The following VWC2 variants were observed in gnomAD, a reference collection of about 807,000 sequenced individuals.
The protein encoded by VWC2 is von Willebrand factor C domain containing 2.
Under a neutral mutation model 29.8 loss-of-function variants are expected in VWC2, and 14 were observed. That is an observed-to-expected ratio of 0.47 (90% CI 0.31 to 0.74). The LOEUF is 0.74. Ranked by LOEUF, VWC2 falls within the 30% of genes least tolerant of loss-of-function variation. The pLI is 0.05. For missense variants in VWC2, 457 were observed against 459.8 expected (o/e 0.99, Z 0.05); for synonymous variants, 213 against 199.0 (o/e 1.07, Z -0.59).
intron 3 of VWC2, among the ~76,000 whole-genome samples, chr7:49,855,951 C>A (rs1366643756): frequency 6.6e-6 from 1 of 152,162 alleles, no homozygotes; most frequent in Admixed American, 6.5e-5. Flanking sequence ...AGACACTAAG[C>A]CCCACAGTTT....
At chr7:49,865,954 C>T (rs913917521) in intron 3 of VWC2, among the ~76,000 whole-genome samples, 2 of 152,208 alleles carry the variant, frequency 1.3e-5, no homozygotes, top group African/African-American at 4.8e-5. Flanking sequence ...TACTCGGCAC[C>T]ATCTTAAATT....
rs1038591031 is a variant in VWC2 at position 49,775,562 on chromosome 7, C to A, written c.127C>A (p.Pro43Thr). 7.8e-6 allele frequency: 12 copies of A among 1,548,188 alleles called. No homozygotes were observed. Among genetic ancestry groups the A allele is most frequent in the Non-Finnish European group, 9.6e-6 (11 of 1,149,864 alleles). The part of the protein sequence containing the change: ...LEKLAQAPEQ[P>T]GQEKREHASR... ...GAAGCTGGCCCAGGCACCAGAGCAG[C>A]CGGGCCAGGAGAAGCGTGAGCACGC... Residue 43 changes from proline (P) to threonine (T), a missense_variant, in exon 2 of 4, where the codon CCG (proline) becomes ACG (threonine). Coordinates refer to ENST00000340652, the MANE Select transcript of VWC2 (RefSeq NM_198570.5).
intron 2 of VWC2, among the ~76,000 whole-genome samples, chr7:49,786,865 T>G (rs116828189): frequency 0.013 from 1,987 of 152,334 alleles, 41 homozygotes; most frequent in African/African-American, 0.045. Context: ...TTAAATTTCT[T>G]ATAGATGGTG....
At chr7:49,869,766 A>G (rs1240766012) in intron 3 of VWC2, among the ~76,000 whole-genome samples, 1 of 152,180 alleles carries the variant, frequency 6.6e-6, no homozygotes, top group Non-Finnish European at 1.5e-5. Flanking sequence ...CAAACATCCA[A>G]GAGAATTGGA....
intron 3 of VWC2, among the ~76,000 whole-genome samples, chr7:49,890,386 C>T (rs1792076656): frequency 6.6e-6 from 1 of 152,160 alleles, no homozygotes; most frequent in South Asian, 2.1e-4. Context: ...GGATTTACAA[C>T]AGTCAGTATG....
intron 3 of VWC2, among the ~76,000 whole-genome samples, chr7:49,905,233 G>A (rs1312164383): frequency 1.3e-5 from 2 of 152,150 alleles, no homozygotes; most frequent in Non-Finnish European, 1.5e-5. Flanking sequence ...GTTCTATGAT[G>A]TATTAGGAAA....
intron 3 of VWC2, among the ~76,000 whole-genome samples, chr7:49,854,431 T>C (rs2128717818): frequency 6.6e-6 from 1 of 152,264 alleles, no homozygotes; most frequent in Non-Finnish European, 1.5e-5. Flanking sequence ...GGTATCTCAT[T>C]GTGGTTTTGA....
intron 3 of VWC2, among the ~76,000 whole-genome samples, chr7:49,884,191 C>T (rs1791799675): frequency 6.6e-6 from 1 of 152,166 alleles, no homozygotes; most frequent in African/African-American, 2.4e-5. Context: ...GAAGAAGGGT[C>T]CAGGCTGCTG....
rs1469072730 is a variant in VWC2, at chr7:49,835,374, G to C, written c.826+32534G>C. Among the ~76,000 whole-genome samples, 12 of 152,328 alleles carry C rather than the reference G, an allele frequency of 7.9e-5. No homozygotes were observed. The East Asian group carries it at 1.9e-3, about 24-fold the overall frequency. On this transcript the variant is annotated intron_variant, in intron 3 of 3. Coordinates refer to ENST00000340652, the MANE Select transcript of VWC2 (RefSeq NM_198570.5). ...TTTCTTTCTCAGTATTTAAGCTAGT[G>C]ACACATGTGGGCTTGGGTGCAAATT...
chr7:49,913,352 C>G lies in VWC2; in HGVS notation c.*1167C>G, dbSNP rs1405989663. Reference sequence around the variant, plus strand: ...AGAACATAAAAAGCCACTGCAAAGTCCTGCTAATCTAATTAATGCATAATA... The same window carrying G: ...AGAACATAAAAAGCCACTGCAAAGTGCTGCTAATCTAATTAATGCATAATA... On this transcript the variant is annotated 3_prime_UTR_variant, in exon 4 of 4. Coordinates refer to ENST00000340652, the MANE Select transcript of VWC2 (RefSeq NM_198570.5). 2 of 152,178 alleles carry G rather than the reference C, an allele frequency of 1.3e-5. No homozygotes were observed. Among genetic ancestry groups the G allele is most frequent in the Non-Finnish European group, 2.9e-5 (2 of 68,038 alleles). 9.4% of individuals were successfully genotyped at this position (152,178 alleles called of 1,614,324 possible).
intron 3 of VWC2, among the ~76,000 whole-genome samples, chr7:49,905,546 A>G (rs1449442409): frequency 6.6e-6 from 1 of 152,260 alleles, no homozygotes; most frequent in Non-Finnish European, 1.5e-5. Context: ...TCATTTAAAA[A>G]AGAGTTTTAT....
At chr7:49,844,918 G>A (rs2128714480) in intron 3 of VWC2, among the ~76,000 whole-genome samples, 1 of 152,234 alleles carries the variant, frequency 6.6e-6, no homozygotes, top group African/African-American at 2.4e-5. Context: ...CCTGACCCCA[G>A]GTGATCTGCC....
intron 3 of VWC2, among the ~76,000 whole-genome samples, chr7:49,818,568 C>CA (rs1407797273): frequency 6.6e-6 from 1 of 151,892 alleles, no homozygotes; most frequent in African/African-American, 2.4e-5. Context: ...GAGCAACATC[C>CA]AATCTGCATA....
intron 3 of VWC2, among the ~76,000 whole-genome samples, chr7:49,861,334 G>C (rs1790646176): frequency 6.6e-6 from 1 of 152,072 alleles, no homozygotes; most frequent in South Asian, 2.1e-4. Context: ...TCATTTTATT[G>C]AGTTGCTTGC....
intron 3 of VWC2, among the ~76,000 whole-genome samples, chr7:49,909,307 T>C (rs1267568002): frequency 6.6e-6 from 1 of 152,016 alleles, no homozygotes; most frequent in African/African-American, 2.4e-5. Context: ...CAAATTTACC[T>C]CTGCAAAAAA....
chr7:49,811,042 A>G (rs767451514), intron 3 of VWC2, among the ~76,000 whole-genome samples: 1 of 152,206 alleles, frequency 6.6e-6, no homozygotes, highest in African/African-American at 2.4e-5. Flanking sequence ...AAATTTTTGC[A>G]TCTCAAAACA....
intron 3 of VWC2, among the ~76,000 whole-genome samples, chr7:49,893,594 A>T (rs1479052471): frequency 6.6e-6 from 1 of 151,870 alleles, no homozygotes; most frequent in Non-Finnish European, 1.5e-5. Context: ...ACATATTTTT[A>T]GTTTACTCTT....
At chr7:49,832,780 A>G (rs542044918) in intron 3 of VWC2, among the ~76,000 whole-genome samples, 61 of 152,322 alleles carry the variant, frequency 4.0e-4, no homozygotes, top group African/African-American at 1.4e-3. Context: ...TACATTGCCA[A>G]GACTTTGTCA....
At chr7:49,875,455 G>T (rs751409865) in intron 3 of VWC2, among the ~76,000 whole-genome samples, 1 of 143,166 alleles carries the variant, frequency 7.0e-6, no homozygotes, top group Non-Finnish European at 1.5e-5. Context: ...AAAAGTATTT[G>T]AAGGTCAGTT....
Sources: gnomAD v4.1 joint callset for allele counts (sites outside exome capture counted in the v4.1 genomes callset) on GRCh38, gnomAD v4.1.1 for gene constraint, MANE v1.5 for transcripts, NCBI Gene and HGNC (gene_info 2026-07-23, HGNC 2026-07-21) for gene names.